The following SLC27A4 variants were observed in gnomAD, a reference collection of about 807,000 sequenced individuals.
The protein encoded by SLC27A4 is solute carrier family 27 member 4.
A neutral mutation model predicts 64.4 loss-of-function variants in SLC27A4; 33 were observed. That is an observed-to-expected ratio of 0.51 (90% CI 0.39 to 0.68). The LOEUF is 0.68. Among genes scored for constraint, SLC27A4 ranks in the 30% least tolerant of loss-of-function variants. The pLI is 0.00. For synonymous variants in SLC27A4, 377 were observed against 370.0 expected, an observed-to-expected ratio of 1.02 and a Z score of -0.22; for missense variants, 824 against 883.5, an observed-to-expected ratio of 0.93 and a Z score of 0.85.
intron 2 of SLC27A4, among the ~76,000 whole-genome samples, chr9:128,344,362 C>CA (rs1232986369): frequency 3.3e-5 from 5 of 151,978 alleles, no homozygotes; most frequent in Non-Finnish European, 7.4e-5. Flanking sequence ...TACCAAAATA[C>CA]AAAAAAGTTA....
chr9:128,354,824 G>A (rs1340091869), intron 9 of SLC27A4, among the ~76,000 whole-genome samples: 1 of 151,966 alleles, frequency 6.6e-6, no homozygotes, highest in South Asian at 2.1e-4. Context: ...CTGTTGGCGT[G>A]TGCCTGTAAT....
intron 7 of SLC27A4, 44 bp downstream of exon 7, chr9:128,352,791 A>G (rs1332483597): frequency 2.1e-6 from 3 of 1,445,706 alleles, no homozygotes; most frequent in Non-Finnish European, 2.9e-6. Context: ...TCCCCTAGTT[A>G]CCCTCTTCCC....
rs1256108617 is a variant in SLC27A4, at chr9:128,341,211, C to T, written c.-7+373C>T. ...TTCGCGAGGGGGAGGGGGAGATGGT[C>T]TCCCAGGGCTTCTTGTGGTCCAGAC... On this transcript the variant is annotated intron_variant, in intron 1 of 12. Transcript: ENST00000300456. 2.0e-5 allele frequency among the ~76,000 whole-genome samples: 3 copies of T among 152,212 alleles called. No individual in the cohort carries two copies. The East Asian group carries it at 5.8e-4, about 29-fold the overall frequency.
At chr9:128,349,398 G>A (rs1832702696) in intron 4 of SLC27A4, among the ~76,000 whole-genome samples, 1 of 152,122 alleles carries the variant, frequency 6.6e-6, no homozygotes, top group Non-Finnish European at 1.5e-5. Context: ...ATAAAACTGG[G>A]GACAGTAGCA....
Position 128,345,016 on chromosome 9 carries a change from C to G in SLC27A4, c.162-139C>G. 2.1e-6 allele frequency: 2 copies of G among 942,766 alleles called. No individual in the cohort carries two copies. The highest frequency in any genetic ancestry group is 3.2e-6 in the Non-Finnish European group (2 of 619,154). The allele number at this position is 942,766 out of a possible 1,614,324, so 58.4% of individuals were successfully genotyped here. A position where few individuals can be genotyped will look rare whatever the true frequency, so the allele number is the denominator to read the frequency against. On this transcript the variant is annotated intron_variant, in intron 2 of 12. Coordinates refer to ENST00000300456, the MANE Select transcript of SLC27A4 (RefSeq NM_005094.4). This position sits in a 1 kb window ranked among gnomAD's most constrained non-coding sequence, Gnocchi z 4.1. ...TCAGTAAGGCAGTGCATGTTCCCAG[C>G]AGGAGCCAGGAGATAGAAGTGTTGT...
rs753826536 is a variant in SLC27A4, at chr9:128,355,169, G to T, written c.1441G>T (p.Gly481Trp). 6.2e-7 allele frequency: 1 copy of T among 1,613,672 alleles called. No homozygotes were observed. The highest frequency in any genetic ancestry group is 8.5e-7 in the Non-Finnish European group (1 of 1,179,840). Residue 481 changes from glycine (G) to tryptophan (W), a missense_variant, in exon 10 of 13, where the codon GGG becomes TGG. By Grantham distance (184) the Gly-to-Trp change is radical. Transcript: ENST00000300456. ...KKIAKDVFKKGDQAYLTGDVL... is the reference protein window; with the variant it reads ...KKIAKDVFKKWDQAYLTGDVL... ...GATTGCCAAGGATGTCTTCAAGAAG[G>T]GGGACCAGGCCTACCTTACTGGTGG... is the stretch of plus-strand genomic sequence containing the variant.
At position 128,353,271 on chromosome 9, in the gene SLC27A4, G is replaced by T. The variant is rs765306075; in HGVS notation, c.1197+37G>T. 6.2e-7 allele frequency: 1 copy of T among 1,611,400 alleles called. No homozygotes were observed. Among genetic ancestry groups the T allele is most frequent in the Non-Finnish European group, 8.5e-7 (1 of 1,178,286 alleles). On this transcript the variant is annotated intron_variant, in intron 8 of 12. Transcript: ENST00000300456. This position sits in a 1 kb window ranked among gnomAD's most constrained non-coding sequence, Gnocchi z 4.9. ...TTGGGGATGGGCGAGGCTGCTGCAGGGATGGCCCACAGAAGGCACTGGATG... is the reference window on the plus strand; with the variant it reads ...TTGGGGATGGGCGAGGCTGCTGCAGTGATGGCCCACAGAAGGCACTGGATG...
At chr9:128,347,926 G>T (rs1350930756) in intron 3 of SLC27A4, among the ~76,000 whole-genome samples, 1 of 151,924 alleles carries the variant, frequency 6.6e-6, no homozygotes, top group South Asian at 2.1e-4. Flanking sequence ...GCTGAAAGGG[G>T]AGAGGGAAGA....
chr9:128,341,098 C>G (rs1398610950), intron 1 of SLC27A4, among the ~76,000 whole-genome samples: 1 of 152,208 alleles, frequency 6.6e-6, no homozygotes, highest in Non-Finnish European at 1.5e-5. Flanking sequence ...CTATGGCGGG[C>G]TATGGGAGGC....
At chr9:128,356,065 G>A (rs1215133834) in intron 12 of SLC27A4, among the ~76,000 whole-genome samples, 1 of 152,164 alleles carries the variant, frequency 6.6e-6, no homozygotes, top group Non-Finnish European at 1.5e-5. Flanking sequence ...GAGTTTTAGA[G>A]CAGGAGAGAG....
In SLC27A4 at chr9:128,353,249, G is replaced by A. The variant is rs370362552; in HGVS notation, c.1197+15G>A. 5 of 1,613,456 alleles carry A rather than the reference G, an allele frequency of 3.1e-6. No homozygotes were observed. Among genetic ancestry groups the A allele is most frequent in the Non-Finnish European group, 4.2e-6 (5 of 1,179,878 alleles). On this transcript the variant is annotated intron_variant, in intron 8 of 12. Coordinates refer to ENST00000300456, the MANE Select transcript of SLC27A4 (RefSeq NM_005094.4). The surrounding 1 kb of genome is among the most constrained non-coding windows in gnomAD (Gnocchi z 4.9). ...TCGACAGCCAGGTGCGGCCAGGTTG[G>A]GGATGGGCGAGGCTGCTGCAGGGAT...
At chr9:128,351,221 G>A (rs1832731692) in intron 6 of SLC27A4, among the ~76,000 whole-genome samples, 1 of 150,856 alleles carries the variant, frequency 6.6e-6, no homozygotes, top group Non-Finnish European at 1.5e-5. Flanking sequence ...CTGAGATCAC[G>A]CCACTGCATT....
At chr9:128,342,469 C>G in intron 1 of SLC27A4, 3 of 1,494,846 alleles carry the variant, frequency 2.0e-6, no homozygotes, top group Non-Finnish European at 2.8e-6. Context: ...GAGGTTGGAT[C>G]AAGTTTAAAT....
At chr9:128,346,390 C>G (rs371586926) in intron 3 of SLC27A4, among the ~76,000 whole-genome samples, 1 of 151,830 alleles carries the variant, frequency 6.6e-6, no homozygotes, top group East Asian at 2.0e-4. Flanking sequence ...CCCGCCACCA[C>G]GCCCAGCTAA....
At position 128,352,743 on chromosome 9, in the gene SLC27A4, G is replaced by GCA; in HGVS notation, c.985_986dup (p.Ile330ArgfsTer14). The GCA allele has an allele frequency of 6.2e-7, 1 of 1,610,336 alleles. No homozygotes were observed. Among genetic ancestry groups the GCA allele is most frequent in the Non-Finnish European group, 8.5e-7 (1 of 1,176,550 alleles). On this transcript the variant is annotated frameshift_variant, in exon 7 of 13. Transcript: ENST00000300456. LOFTEE classifies it high-confidence loss of function. ...TGGGACGATTGTATCAAGTACAACT[G>GCA]CACGGTGAGCGAGAGCGGGAAGGGT...
At chr9:128,341,701 A>G (rs1290420494) in intron 1 of SLC27A4, among the ~76,000 whole-genome samples, 5 of 152,022 alleles carry the variant, frequency 3.3e-5, no homozygotes, top group Admixed American at 3.3e-4. Flanking sequence ...TCATCCACAG[A>G]ACCTCCCTGG....
rs1242978166 is a variant in SLC27A4 at position 128,343,068 on chromosome 9, G to A, written c.-6-59G>A. 1.7e-5 allele frequency: 27 copies of A among 1,601,144 alleles called. No homozygotes were observed. The Admixed American group carries it at 3.6e-4, about 21-fold the overall frequency. ...CACAGTGGCCTGGCTGTCTGGGCTG[G>A]GAGGTAGGAGACCTGGAGGGTTGGG... is the stretch of plus-strand genomic sequence containing the variant. On this transcript the variant is annotated intron_variant, in intron 1 of 12. Transcript: ENST00000300456.
intron 1 of SLC27A4, 70 bp downstream of exon 1, chr9:128,340,908 G>A: frequency 1.9e-6 from 1 of 526,822 alleles, no homozygotes; most frequent in South Asian, 2.3e-5. Context: ...CGAGGTGGCG[G>A]TGCGGACCCC....
Position 128,348,590 on chromosome 9 carries a change from T to C in SLC27A4, c.602T>C (p.Phe201Ser). ...AGCCTGGACCCCTCGCTCAGCCTCT[T>C]CTGCTCTGGCTCCTGGGAGCCCGGT... The part of the protein sequence containing the change: ...HASLDPSLSL[F>S]CSGSWEPGAV... Residue 201 changes from phenylalanine to serine, a missense_variant, in exon 4 of 13, where the codon TTC (phenylalanine) becomes TCC (serine). Transcript: ENST00000300456. 6.2e-7 allele frequency: 1 copy of C among 1,613,642 alleles called. No homozygotes were observed. The highest frequency in any genetic ancestry group is 8.5e-7 in the Non-Finnish European group (1 of 1,180,008).
Sources: allele counts gnomAD v4.1 joint callset (sites outside exome capture counted in the v4.1 genomes callset), GRCh38; gene constraint gnomAD v4.1.1; non-coding constraint Gnocchi (gnomAD v3.1); transcripts MANE v1.5; gene names NCBI Gene and HGNC (gene_info 2026-07-23, HGNC 2026-07-21).